LTBP4: variants seen among roughly 807,000 people sequenced by gnomAD.
LTBP4 encodes the protein latent-transforming growth factor beta-binding protein 4.
LTBP4 carries 93 observed loss-of-function variants against 180.2 expected under a neutral mutation model. That is an observed-to-expected ratio of 0.52 (90% CI 0.44 to 0.61). The LOEUF is 0.61. LTBP4 is among the 20% of genes least tolerant of loss of function. The pLI, the probability that LTBP4 is intolerant of heterozygous loss-of-function variation, is 0.00. For missense variants in LTBP4, 2,116 were observed against 2,256.5 expected, an observed-to-expected ratio of 0.94 and a Z score of 1.26; for synonymous variants, 947 against 934.5, an observed-to-expected ratio of 1.01 and a Z score of -0.24.
upstream of LTBP4, chr19:40,599,649 C>G (rs2081410100): frequency 1.7e-6 from 2 of 1,211,812 alleles, no homozygotes; most frequent in East Asian, 2.4e-5. Context: ...CTCTCCCTCT[C>G]TCTCCCCCCT....
chr19:40,619,785 C>G (rs1403072881), intron 22 of LTBP4, among the ~76,000 whole-genome samples: 3 of 152,174 alleles, frequency 2.0e-5, no homozygotes, highest in Non-Finnish European at 2.9e-5. Flanking sequence ...ACTGTCTGTC[C>G]TCAAGGGGCT....
At chr19:40,594,968 G>T (rs2081382863) in intron 1 of LTBP4, among the ~76,000 whole-genome samples, 1 of 151,934 alleles carries the variant, frequency 6.6e-6, no homozygotes, top group Admixed American at 6.5e-5. Flanking sequence ...GCCATTCTTG[G>T]TCTGGGGTGG....
rs975779842 is a variant in LTBP4, at chr19:40,601,770, A to G, written c.250+133A>G. 7 of 761,174 alleles carry G rather than the reference A, an allele frequency of 9.2e-6. No homozygotes were observed. The African/African-American group carries it at 1.1e-4, about 12-fold the overall frequency. The allele number at this position is 761,174 out of a possible 1,614,324, so 47.2% of individuals were successfully genotyped here. On this transcript the variant is annotated intron_variant, in intron 1 of 29. Coordinates refer to ENST00000396819, the MANE Select transcript of LTBP4 (RefSeq NM_001042545.2). ...ATAGTGCAAGGGAATATCAGGGGCT[A>G]TTTGAGGAAGGGGGCCCCAAATTCC...
chr19:40,625,316 A>ATT (rs1162232222), intron 26 of LTBP4, among the ~76,000 whole-genome samples: 333 of 21,868 alleles, frequency 0.015, 62 homozygotes, highest in Middle Eastern at 0.053. Context: ...ATATATATAT[A>ATT]TTTTTTTTTT....
At position 40,607,528 on chromosome 19, in the gene LTBP4, A is replaced by G. The variant is rs1217106840; in HGVS notation, c.1155A>G (p.Ser385=). 6.2e-7 allele frequency: 1 copy of G among 1,607,984 alleles called. No individual in the cohort carries two copies. Among genetic ancestry groups the G allele is most frequent in the South Asian group, 1.1e-5 (1 of 90,236 alleles). ...RGCQLCPPFG[S]EGFREICPAG... ...GCCAGCTCTGCCCACCCTTCGGCTC[A>G]GGTGAGCCCCTGCGGCAGTGCCTAG... Residue 385 remains serine, a splice_region_variant and synonymous_variant, in exon 7 of 30, where the codon TCA becomes TCG. Transcript: ENST00000396819.
intron 11 of LTBP4, 172 bp downstream of exon 11, chr19:40,610,043 C>T (rs1568405770): frequency 1.1e-6 from 1 of 894,656 alleles, no homozygotes; most frequent in Non-Finnish European, 1.6e-6. Context: ...CAGCTCCAGC[C>T]TCCCTTTGAC....
chr19:40,610,163 T>A, intron 11 of LTBP4: 1 of 455,304 alleles, frequency 2.2e-6, no homozygotes, highest in South Asian at 3.9e-5. Context: ...CGCCCCTCCC[T>A]GACTAACTCC....
intron 1 of LTBP4, among the ~76,000 whole-genome samples, chr19:40,602,358 G>A (rs2081430519): frequency 6.6e-6 from 1 of 151,732 alleles, no homozygotes; most frequent in African/African-American, 2.4e-5. Context: ...TTCAGGTGAG[G>A]TGGGGGAGGG....
chr19:40,609,725 C>T lies in LTBP4; in HGVS notation c.1559-21C>T. On this transcript the variant is annotated intron_variant, in intron 10 of 29. Coordinates refer to ENST00000396819, the MANE Select transcript of LTBP4 (RefSeq NM_001042545.2). This position sits in a 1 kb window ranked among gnomAD's most constrained non-coding sequence, Gnocchi z 4.9. The stretch of plus-strand genomic sequence containing the variant: ...GGGCTTTGCCTGGTCACCTTGTCAC[C>T]AGCCCCCTCCGTGTCCTCAGATGTG... The T allele has an allele frequency of 6.2e-7, 1 of 1,611,422 alleles. No homozygotes were observed. Among genetic ancestry groups the T allele is most frequent in the Non-Finnish European group, 8.5e-7 (1 of 1,178,340 alleles).
At position 40,606,387 on chromosome 19, in the gene LTBP4, C is replaced by A. The variant is rs766914289; in HGVS notation, c.869-17C>A. 5.6e-6 allele frequency: 9 copies of A among 1,606,514 alleles called. No individual in the cohort carries two copies. The highest frequency in any genetic ancestry group is 6.8e-6 in the Non-Finnish European group (8 of 1,176,226). On this transcript the variant is annotated splice_polypyrimidine_tract_variant and intron_variant, in intron 5 of 29. Coordinates refer to ENST00000396819, the MANE Select transcript of LTBP4 (RefSeq NM_001042545.2). ...ATCAAGTTCCTGACTCCACGGTGAC[C>A]TCCCCAACCCTGGCAGATGTGGATG...
rs763439392 is a variant in LTBP4 at position 40,622,701 on chromosome 19, G to C, written c.3484+34G>C. The C allele has an allele frequency of 6.4e-7, 1 of 1,568,698 alleles. No homozygotes were observed. The highest frequency in any genetic ancestry group is 8.6e-7 in the Non-Finnish European group (1 of 1,157,570). ...GGGCTGATGGGGACACAGGGCTGAG[G>C]GCTTGGGTGGAAATACTGGGTGGGG... On this transcript the variant is annotated intron_variant, in intron 23 of 29. Transcript: ENST00000396819. The surrounding 1 kb of genome is among the most constrained non-coding windows in gnomAD (Gnocchi z 5.1).
At chr19:40,593,613 T>C (rs2081377007) in intron 1 of LTBP4, among the ~76,000 whole-genome samples, 1 of 150,732 alleles carries the variant, frequency 6.6e-6, no homozygotes, top group Middle Eastern at 3.4e-3. Flanking sequence ...TGTTAGGAAA[T>C]CTAGTATGTA....
upstream of LTBP4, chr19:40,600,104 GC>G (rs1332667094): frequency 7.9e-7 from 1 of 1,258,826 alleles, no homozygotes; most frequent in Non-Finnish European, 1.0e-6. This position sits in a 1 kb window ranked among gnomAD's most constrained non-coding sequence, Gnocchi z 4.4. Context: ...AGCGGCGGCG[GC>G]CCCGGGGGCC....
intron 21 of LTBP4, among the ~76,000 whole-genome samples, chr19:40,617,850 A>G (rs1398412257): frequency 6.6e-6 from 1 of 152,162 alleles, no homozygotes; most frequent in Non-Finnish European, 1.5e-5. Context: ...AATTGAGAGA[A>G]TCATAGAATG....
chr19:40,623,556 C>T, intron 24 of LTBP4, 48 bp from the exon 25 acceptor site: 1 of 1,586,848 alleles, frequency 6.3e-7, no homozygotes, highest in Middle Eastern at 1.7e-4. Context: ...CCCTCACACA[C>T]TCCACCCATC....
At chr19:40,599,189 A>G, upstream of LTBP4, 1 of 1,603,698 alleles carries the variant, frequency 6.2e-7, no homozygotes, top group Non-Finnish European at 8.5e-7. Context: ...CCACTCCACT[A>G]TTTATAGCGT....
rs754524781 is a variant in LTBP4, at chr19:40,629,423, C to T, written c.4547C>T (p.Ala1516Val). 6.2e-7 allele frequency: 1 copy of T among 1,612,904 alleles called. No individual in the cohort carries two copies. The highest frequency in any genetic ancestry group is 2.2e-5 in the East Asian group (1 of 44,864). The change falls in exon 30 of 30, where the codon GCT becomes GTT. Residue 1516 changes from alanine (A) to valine (V), a missense_variant. Ala to Val is a moderately conservative substitution (Grantham distance 64). Coordinates refer to ENST00000396819, the MANE Select transcript of LTBP4 (RefSeq NM_001042545.2). The surrounding 1 kb of genome is among the most constrained non-coding windows in gnomAD (Gnocchi z 4.5). The stretch of plus-strand genomic sequence containing the variant: ...ATCAACGAGTGTGATGAGGCCGAGG[C>T]TGCCTCCCCGCTGTGCGTCAACGCG... ...VDINECDEAE[A>V]ASPLCVNARC...
At chr19:40,620,299 C>T (rs1035459873) in intron 22 of LTBP4, among the ~76,000 whole-genome samples, 4 of 150,662 alleles carry the variant, frequency 2.7e-5, no homozygotes, top group Middle Eastern at 3.4e-3. Context: ...AGTGCAGTGG[C>T]GTGATCTCAG....
At chr19:40,593,288 G>C (rs1403834512) in intron 1 of LTBP4, 4 of 1,362,514 alleles carry the variant, frequency 2.9e-6, no homozygotes, top group Non-Finnish European at 4.1e-6. Flanking sequence ...TGTTGCCCGG[G>C]CTAGGGTGCA....
Sources: allele counts gnomAD v4.1 joint callset (sites outside exome capture counted in the v4.1 genomes callset), GRCh38; gene constraint gnomAD v4.1.1; non-coding constraint Gnocchi (gnomAD v3.1); transcripts MANE v1.5; gene names NCBI Gene and HGNC (gene_info 2026-07-23, HGNC 2026-07-21).